BDP1: variants seen among roughly 807,000 people sequenced by gnomAD.
BDP1 encodes BDP1 general transcription factor IIIB subunit.
A neutral mutation model predicts 266.6 loss-of-function variants in BDP1; 169 were observed. The observed-to-expected ratio is 0.63, with a 90% CI of 0.56 to 0.72. The LOEUF is 0.72. BDP1 is among the 30% of genes least tolerant of loss of function. The pLI, the probability that BDP1 is intolerant of heterozygous loss-of-function variation, is 0.00. For synonymous variants in BDP1, 1,090 were observed against 1,022.4 expected, an observed-to-expected ratio of 1.07 and a Z score of -1.26; for missense variants, 3,015 against 3,053.8, an observed-to-expected ratio of 0.99 and a Z score of 0.30.
chr5:71,497,452 A>G (rs1478623038), intron 13 of BDP1, 26 bp downstream of exon 13: 1 of 1,552,904 alleles, frequency 6.4e-7, no homozygotes, highest in African/African-American at 1.4e-5. Context: ...TTTCATGGAA[A>G]TTAAAATTAT....
Position 71,504,667 on chromosome 5 carries a change from A to G in BDP1, c.2288A>G (p.Glu763Gly). The change falls in exon 16 of 39, where the codon GAA becomes GGA. Residue 763 changes from glutamate to glycine, a missense_variant. Glu to Gly is a moderately conservative substitution (Grantham distance 98). Coordinates refer to ENST00000358731, the MANE Select transcript of BDP1 (RefSeq NM_018429.3). ...EDQSRKDFEE[E>G]DVILQPEKND... The stretch of plus-strand genomic sequence containing the variant: ...CAATCGCGTAAAGATTTTGAAGAGG[A>G]AGATGTCATATTACAGCCTGAGAAA... The G allele has an allele frequency of 6.2e-7, 1 of 1,613,690 alleles. No homozygotes were observed. The highest frequency in any genetic ancestry group is 1.7e-5 in the Admixed American group (1 of 60,010).
At chr5:71,504,523 T>C (rs895080859) in intron 15 of BDP1, 98 bp from the exon 16 acceptor site, 2 of 1,104,266 alleles carry the variant, frequency 1.8e-6, no homozygotes, top group Admixed American at 4.9e-5. Flanking sequence ...TAATGTTGAA[T>C]TTTTTACCAT....
chr5:71,478,119 A>G (rs1489099451), intron 7 of BDP1, among the ~76,000 whole-genome samples: 3 of 152,092 alleles, frequency 2.0e-5, no homozygotes, highest in Non-Finnish European at 4.4e-5. Context: ...GCGTGGTGGC[A>G]CATGCCTGTA....
rs1763280041 is a variant in BDP1 at position 71,486,626 on chromosome 5, A to G, written c.1212A>G (p.Lys404=). ...KKSTKPRKNV[K]VKKVACEGVN... ...CCACCAAACCACGGAAAAATGTAAA[A>G]GGTATTGATTTTAAAAGGAAGTGTG... Residue 404 remains lysine (K), a splice_region_variant and synonymous_variant, in exon 9 of 39, where the codon AAA becomes AAG. Transcript: ENST00000358731. The G allele has an allele frequency of 6.6e-7, 1 of 1,517,530 alleles. No homozygotes were observed. Among genetic ancestry groups the G allele is most frequent in the Non-Finnish European group, 8.7e-7 (1 of 1,145,914 alleles). The allele number at this position is 1,517,530 out of a possible 1,614,324, so 94.0% of individuals were successfully genotyped here.
intron 3 of BDP1, among the ~76,000 whole-genome samples, chr5:71,462,961 C>T (rs1761671107): frequency 1.3e-5 from 2 of 151,760 alleles, no homozygotes; most frequent in Admixed American, 1.3e-4. Context: ...AGTGAGACCC[C>T]ATCTCTACAA....
chr5:71,506,808 C>CA lies in BDP1; in HGVS notation c.2372+2058dup, dbSNP rs1561721866. Among the ~76,000 whole-genome samples the CA allele has an allele frequency of 4.3e-5, 6 of 140,574 alleles. No individual in the cohort carries two copies. The East Asian group carries it at 1.3e-3, about 29-fold the overall frequency. The allele number at this position is 140,574 out of a possible 152,430, so 92.2% of individuals were successfully genotyped here. A position where few individuals can be genotyped will look rare whatever the true frequency, so the allele number is the denominator to read the frequency against. On this transcript the variant is annotated intron_variant, in intron 16 of 38. Coordinates refer to ENST00000358731, the MANE Select transcript of BDP1 (RefSeq NM_018429.3). ...TGAAACACACACACACACACACACA[C>CA]ACACACACACACACACCCATATTTT...
chr5:71,507,281 C>T (rs892451153), intron 16 of BDP1, among the ~76,000 whole-genome samples: 7 of 152,126 alleles, frequency 4.6e-5, no homozygotes, highest in South Asian at 2.1e-4. Flanking sequence ...GAGGAAAGTT[C>T]GTAGATCCAC....
Position 71,567,795 on chromosome 5 carries a change from A to C in BDP1, c.*2910A>C, listed in dbSNP as rs1426086664. The C allele has an allele frequency of 6.6e-6, 1 of 152,440 alleles. No homozygotes were observed. The highest frequency in any genetic ancestry group is 2.4e-5 in the African/African-American group (1 of 41,452). The allele number at this position is 152,440 out of a possible 1,614,324, so 9.4% of individuals were successfully genotyped here. ...AAGCAGTTATATATATATATAAATT[A>C]TGTAAATAAAAGTTATTTTATATCA... On this transcript the variant is annotated 3_prime_UTR_variant, in exon 39 of 39. Coordinates refer to ENST00000358731, the MANE Select transcript of BDP1 (RefSeq NM_018429.3).
chr5:71,505,308 G>A (rs1764519566), intron 16 of BDP1, among the ~76,000 whole-genome samples: 1 of 152,168 alleles, frequency 6.6e-6, no homozygotes, highest in African/African-American at 2.4e-5. Flanking sequence ...CACCCAGCCA[G>A]CTTTATCACT....
chr5:71,509,862 G>T lies in BDP1; in HGVS notation c.2770G>T (p.Glu924Ter), dbSNP rs758673767. 2 of 1,614,030 alleles carry T rather than the reference G, an allele frequency of 1.2e-6. No individual in the cohort carries two copies. The highest frequency in any genetic ancestry group is 1.7e-6 in the Non-Finnish European group (2 of 1,180,020). The change falls in exon 17 of 39, where the codon GAA (glutamate) becomes TAA (stop). Residue 924 changes from glutamate to a stop codon, truncating the protein, a stop_gained. Transcript: ENST00000358731. LOFTEE classifies it high-confidence loss of function. ...GCCAGAGGTGATTGATGCCACTGAG[G>T]AAATAGACAAAGATTTGGAAGAAGC... ...KTPEVIDATE[E>*]IDKDLEEAGR... is the part of the protein sequence containing the mutation.
intron 7 of BDP1, among the ~76,000 whole-genome samples, chr5:71,482,219 T>G (rs1274298686): frequency 6.6e-6 from 1 of 152,198 alleles, no homozygotes; most frequent in Non-Finnish European, 1.5e-5. Flanking sequence ...ACACAGTTCC[T>G]TTTTAGAACT....
At chr5:71,514,693 A>AT (rs1048439745) in intron 19 of BDP1, among the ~76,000 whole-genome samples, 1 of 151,962 alleles carries the variant, frequency 6.6e-6, no homozygotes, top group Admixed American at 6.6e-5. Flanking sequence ...TTTATTTCTG[A>AT]TTTTTTTGTT....
At chr5:71,493,242 G>A (rs964903690) in intron 11 of BDP1, among the ~76,000 whole-genome samples, 3 of 152,160 alleles carry the variant, frequency 2.0e-5, no homozygotes, top group Non-Finnish European at 4.4e-5. Flanking sequence ...CTGTACTCGT[G>A]ACTTTTTCTA....
At chr5:71,556,078 C>T (rs1743199141) in intron 35 of BDP1, among the ~76,000 whole-genome samples, 1 of 152,062 alleles carries the variant, frequency 6.6e-6, no homozygotes, top group African/African-American at 2.4e-5. Flanking sequence ...AAATCTTACA[C>T]ATTTCTTATA....
chr5:71,561,111 A>G (rs956339905), intron 37 of BDP1, among the ~76,000 whole-genome samples: 7 of 150,926 alleles, frequency 4.6e-5, no homozygotes, highest in Non-Finnish European at 7.4e-5. Flanking sequence ...CTGAAAAAAG[A>G]AAAAAAAAGG....
intron 7 of BDP1, among the ~76,000 whole-genome samples, chr5:71,477,725 ATCC>A (rs969501999): frequency 6.6e-6 from 1 of 151,516 alleles, no homozygotes. Context: ...AGCTCAAGTA[ATCC>A]TTCCATCTCA....
At chr5:71,518,162 C>T (rs992907492) in intron 22 of BDP1, among the ~76,000 whole-genome samples, 4 of 152,138 alleles carry the variant, frequency 2.6e-5, no homozygotes, top group Non-Finnish European at 5.9e-5. Flanking sequence ...GTAAAAACGC[C>T]TTTCCTTTCT....
intron 28 of BDP1, among the ~76,000 whole-genome samples, chr5:71,540,742 G>A (rs1766914400): frequency 6.6e-6 from 1 of 152,130 alleles, no homozygotes; most frequent in Non-Finnish European, 1.5e-5. Context: ...TTCAAGACCA[G>A]CCTGGGCAAC....
chr5:71,533,952 T>C (rs1766425816), intron 26 of BDP1, among the ~76,000 whole-genome samples: 1 of 152,228 alleles, frequency 6.6e-6, no homozygotes, highest in Non-Finnish European at 1.5e-5. Flanking sequence ...ATTTGTCTTT[T>C]TATTATTGAG....
Sources: gnomAD v4.1 joint callset for allele counts (sites outside exome capture counted in the v4.1 genomes callset) on GRCh38, gnomAD v4.1.1 for gene constraint, MANE v1.5 for transcripts, NCBI Gene and HGNC (gene_info 2026-07-23, HGNC 2026-07-21) for gene names.